Variants in SGCZ observed in about 807,000 individuals in gnomAD.
SGCZ encodes zeta-sarcoglycan.
In SGCZ, 40 loss-of-function variants were observed where a neutral mutation model predicts 41.3. The observed-to-expected ratio is 0.97, with a 90% CI of 0.75 to 1.26. SGCZ has a LOEUF of 1.26. Ranked by LOEUF, SGCZ falls within the 50% of genes most tolerant of loss-of-function variation. The probability of loss-of-function intolerance (pLI) is 0.00; values close to 1 mark genes in which losing one functional copy is unlikely to be tolerated. For synonymous variants in SGCZ, 206 were observed against 137.5 expected (o/e 1.50, Z -3.49); for missense variants, 552 against 369.8 (o/e 1.49, Z -4.04).
intron 1 of SGCZ, among the ~76,000 whole-genome samples, chr8:15,166,890 A>C (rs182797792): frequency 2.0e-5 from 3 of 152,346 alleles, no homozygotes; most frequent in African/African-American, 7.2e-5. Flanking sequence ...GAAAATGTAC[A>C]GGATTCACAA....
rs999494772 is a variant in SGCZ, at chr8:14,209,148, T to A, written c.424+28444A>T. On this transcript the variant is annotated intron_variant, in intron 4 of 7. Transcript: ENST00000382080. Reference sequence around the variant, plus strand: ...GCCACGTGGAAAGCCCATTTGCATATTAGTGCGGGGTGGACAGCCTTCCCA... The same window carrying A: ...GCCACGTGGAAAGCCCATTTGCATAATAGTGCGGGGTGGACAGCCTTCCCA... Among the ~76,000 whole-genome samples the A allele has an allele frequency of 2.6e-5, 4 of 152,208 alleles. No individual in the cohort carries two copies. The East Asian group carries it at 7.7e-4, about 29-fold the overall frequency.
intron 1 of SGCZ, among the ~76,000 whole-genome samples, chr8:14,719,690 T>C (rs10091221): frequency 0.055 from 8,426 of 151,994 alleles, 795 homozygotes; most frequent in African/African-American, 0.19. Flanking sequence ...TGCCCACTTT[T>C]TGATGGGGTT....
chr8:14,631,240 A>G (rs1455901092), intron 1 of SGCZ, among the ~76,000 whole-genome samples: 1 of 151,826 alleles, frequency 6.6e-6, no homozygotes, highest in Non-Finnish European at 1.5e-5. Context: ...TGGTTAAGTG[A>G]TCGGCTAATG....
intron 1 of SGCZ, among the ~76,000 whole-genome samples, chr8:14,938,105 G>C: frequency 6.6e-6 from 1 of 152,078 alleles, no homozygotes; most frequent in South Asian, 2.1e-4. Flanking sequence ...TATTATATTT[G>C]TAAAATGTTT....
intron 1 of SGCZ, among the ~76,000 whole-genome samples, chr8:14,890,234 G>GAA (rs1804962797): frequency 1.3e-5 from 2 of 149,254 alleles, no homozygotes; most frequent in African/African-American, 2.5e-5. Flanking sequence ...AAGAAAGAAA[G>GAA]AGAGAGAGAA....
At chr8:14,825,533 A>C (rs1171452418) in intron 1 of SGCZ, among the ~76,000 whole-genome samples, 2 of 152,214 alleles carry the variant, frequency 1.3e-5, no homozygotes, top group Non-Finnish European at 2.9e-5. Flanking sequence ...TTTGGTAAAT[A>C]AATATTGTAT....
intron 1 of SGCZ, among the ~76,000 whole-genome samples, chr8:15,126,217 A>T (rs961453341): frequency 6.6e-6 from 1 of 152,230 alleles, no homozygotes; most frequent in African/African-American, 2.4e-5. Flanking sequence ...TGCTAGTAGT[A>T]TCACAATGAT....
At chr8:14,348,574 C>T (rs548193093) in intron 2 of SGCZ, among the ~76,000 whole-genome samples, 5 of 152,002 alleles carry the variant, frequency 3.3e-5, no homozygotes, top group South Asian at 4.1e-4. Context: ...TAGTGCCAGC[C>T]GAATGCTGGC....
At chr8:14,921,217 A>G (rs969233300) in intron 1 of SGCZ, among the ~76,000 whole-genome samples, 1 of 152,078 alleles carries the variant, frequency 6.6e-6, no homozygotes, top group African/African-American at 2.4e-5. Flanking sequence ...GCCCCAAACA[A>G]TGCTCCTACT....
At chr8:14,278,984 T>C (rs574918962) in intron 3 of SGCZ, among the ~76,000 whole-genome samples, 64 of 152,240 alleles carry the variant, frequency 4.2e-4, no homozygotes, top group Admixed American at 3.8e-3. Flanking sequence ...GTTAAAGAAA[T>C]GGCTCTGGTT....
chr8:14,897,175 TGAGA>T (rs200355331), intron 1 of SGCZ, among the ~76,000 whole-genome samples: 2,009 of 152,268 alleles, frequency 0.013, 29 homozygotes, highest in Middle Eastern at 0.048. Flanking sequence ...AAGAAATAAA[TGAGA>T]GAATCATGTA....
chr8:14,944,198 G>A (rs1323444749), intron 1 of SGCZ, among the ~76,000 whole-genome samples: 2 of 152,212 alleles, frequency 1.3e-5, no homozygotes, highest in African/African-American at 2.4e-5. Flanking sequence ...CTCTGGCTAA[G>A]TTTTAAGGAA....
At chr8:14,963,987 G>T (rs1174731966) in intron 1 of SGCZ, among the ~76,000 whole-genome samples, 1 of 152,022 alleles carries the variant, frequency 6.6e-6, no homozygotes, top group African/African-American at 2.4e-5. Flanking sequence ...TCCAATAAAG[G>T]TCACAAGCGT....
chr8:14,688,191 G>T (rs1373113401), intron 1 of SGCZ, among the ~76,000 whole-genome samples: 3 of 152,076 alleles, frequency 2.0e-5, no homozygotes, highest in Non-Finnish European at 4.4e-5. Context: ...AGAAGCTCTT[G>T]AGTTTAATTA....
chr8:14,976,356 C>T (rs1386437710), intron 1 of SGCZ, among the ~76,000 whole-genome samples: 1 of 152,070 alleles, frequency 6.6e-6, no homozygotes, highest in Non-Finnish European at 1.5e-5. Flanking sequence ...AGTTCAGGGC[C>T]ATATGTGTGA....
At chr8:14,673,861 A>T (rs12680975) in intron 1 of SGCZ, among the ~76,000 whole-genome samples, 85,140 of 151,966 alleles carry the variant, frequency 0.56, 25,256 homozygotes, top group East Asian at 0.76. Context: ...GTAAACACAA[A>T]GTTTATAAAA....
intron 5 of SGCZ, among the ~76,000 whole-genome samples, chr8:14,152,273 A>G (rs1803733872): frequency 6.6e-6 from 1 of 152,206 alleles, no homozygotes; most frequent in South Asian, 2.1e-4. Context: ...CAAATGGGCA[A>G]AAGATGTCTA....
At chr8:14,184,263 T>C (rs1031833350) in intron 4 of SGCZ, among the ~76,000 whole-genome samples, 2 of 152,166 alleles carry the variant, frequency 1.3e-5, no homozygotes, top group African/African-American at 4.8e-5. Context: ...TGATCTCATA[T>C]CAGCAGGAGC....
intron 2 of SGCZ, among the ~76,000 whole-genome samples, chr8:14,432,844 G>T (rs548588942): frequency 7.0e-5 from 10 of 142,792 alleles, no homozygotes; most frequent in Admixed American, 4.5e-4. Context: ...AACCCAGGAG[G>T]AGGAGGTTGC....
Sources: allele counts gnomAD v4.1 joint callset (sites outside exome capture counted in the v4.1 genomes callset), GRCh38; gene constraint gnomAD v4.1.1; transcripts MANE v1.5; gene names NCBI Gene and HGNC (gene_info 2026-07-23, HGNC 2026-07-21).